Variants in RNF145 observed in about 807,000 individuals in gnomAD.
RNF145 encodes the protein ring finger protein 145.
Under a neutral mutation model 57.3 loss-of-function variants are expected in RNF145, and 12 were observed. The observed-to-expected ratio is 0.21, with a 90% CI of 0.13 to 0.34. RNF145 has a LOEUF of 0.34. RNF145 is among the 10% of genes least tolerant of loss of function. RNF145 has a pLI of 1.00. For missense variants in RNF145, 429 were observed against 799.0 expected (o/e 0.54, Z 5.58); for synonymous variants, 262 against 288.3 (o/e 0.91, Z 0.92).
chr5:159,179,144 T>G (rs181898766), intron 4 of RNF145, among the ~76,000 whole-genome samples: 175 of 152,168 alleles, frequency 1.2e-3, no homozygotes, highest in African/African-American at 4.0e-3. Context: ...TGCCAGCACA[T>G]GTGGTGCTCA....
At chr5:159,189,761 G>A (rs1254994639) in intron 3 of RNF145, among the ~76,000 whole-genome samples, 4 of 152,214 alleles carry the variant, frequency 2.6e-5, no homozygotes, top group African/African-American at 9.6e-5. Flanking sequence ...AATATGGACA[G>A]AAAAAGAAAG....
At chr5:159,164,345 CTG>C (rs1283622167) in intron 8 of RNF145, among the ~76,000 whole-genome samples, 1 of 152,136 alleles carries the variant, frequency 6.6e-6, no homozygotes, top group Non-Finnish European at 1.5e-5. Flanking sequence ...AGTAGCTGTA[CTG>C]TGTTAGATGA....
chr5:159,174,028 T>C lies in RNF145; in HGVS notation c.752A>G (p.Asp251Gly). The C allele has an allele frequency of 6.2e-7, 1 of 1,613,490 alleles. No individual in the cohort carries two copies. The highest frequency in any genetic ancestry group is 8.5e-7 in the Non-Finnish European group (1 of 1,179,628). The change falls in exon 6 of 11, where the codon GAT becomes GGT. Residue 251 changes from aspartate (D) to glycine (G), a missense_variant. Physicochemically the swap from Asp to Gly is moderately conservative, Grantham distance 94. Coordinates refer to ENST00000424310, the MANE Select transcript of RNF145 (RefSeq NM_001199383.2). ...AAGCCTCTCACGTGATGCAGGCTGA[T>C]CTCGAGTACTGAAATAGGAGTAAAT... ...LQIYSYFSTR[D>G]QPASRERLLF...
rs917337727 is a variant in RNF145, at chr5:159,185,386, G to C, written c.294-3335C>G. On this transcript the variant is annotated intron_variant, in intron 3 of 10. Coordinates refer to ENST00000424310, the MANE Select transcript of RNF145 (RefSeq NM_001199383.2). ...TGGGCATCCCATCCCAAACTGTAGA[G>C]AATAACTGAAATAAGAATCAGGGTT... 4.6e-5 allele frequency among the ~76,000 whole-genome samples: 7 copies of C among 152,118 alleles called. 1 individual carries two copies. In the South Asian group the frequency reaches 1.5e-3, roughly 32 times the overall value.
intron 9 of RNF145, among the ~76,000 whole-genome samples, chr5:159,161,984 T>C (rs953837693): frequency 2.6e-5 from 4 of 152,230 alleles, no homozygotes; most frequent in Admixed American, 6.5e-5. Flanking sequence ...CATACCATAG[T>C]CATTCCTGTT....
chr5:159,171,754 T>G (rs1335769048), intron 6 of RNF145, among the ~76,000 whole-genome samples: 1 of 152,172 alleles, frequency 6.6e-6, no homozygotes, highest in Admixed American at 6.5e-5. Flanking sequence ...AATAAGTTGT[T>G]TTTTTGGCAA....
At position 159,158,830 on chromosome 5, in the gene RNF145, G is replaced by T. The variant is rs1784124663; in HGVS notation, c.1832C>A (p.Pro611His). ...QNVMFQEGTEPPGQEHTPGTR... is the reference protein window; with the variant it reads ...QNVMFQEGTEHPGQEHTPGTR... ...CCCTGGAGTATGCTCCTGGCCTGGG[G>T]GTTCAGTACCTTCCTGAAACATGAC... The change falls in exon 11 of 11, where the codon CCC (proline) becomes CAC (histidine). Residue 611 changes from proline (P) to histidine (H), a missense_variant. Coordinates refer to ENST00000424310, the MANE Select transcript of RNF145 (RefSeq NM_001199383.2). 2 of 1,613,782 alleles carry T rather than the reference G, an allele frequency of 1.2e-6. No individual in the cohort carries two copies. The highest frequency in any genetic ancestry group is 1.7e-6 in the Non-Finnish European group (2 of 1,179,878).
At chr5:159,204,203 G>A (rs1342710597) in intron 1 of RNF145, among the ~76,000 whole-genome samples, 1 of 152,222 alleles carries the variant, frequency 6.6e-6, no homozygotes, top group African/African-American at 2.4e-5. Flanking sequence ...GATACAGGTA[G>A]AGGGAACATT....
At chr5:159,160,136 G>T (rs1245881475) in intron 10 of RNF145, among the ~76,000 whole-genome samples, 1 of 152,108 alleles carries the variant, frequency 6.6e-6, no homozygotes, top group East Asian at 1.9e-4. Context: ...CTCCGACTCT[G>T]TTTTTGATGT....
chr5:159,183,615 G>T (rs915529111), intron 3 of RNF145, among the ~76,000 whole-genome samples: 3 of 151,984 alleles, frequency 2.0e-5, no homozygotes, highest in Non-Finnish European at 4.4e-5. Context: ...TATATAAATA[G>T]TATTAATACA....
chr5:159,178,560 T>C (rs1302177648), intron 4 of RNF145, among the ~76,000 whole-genome samples: 1 of 152,040 alleles, frequency 6.6e-6, no homozygotes, highest in Non-Finnish European at 1.5e-5. Context: ...TTCTTGTCAA[T>C]GAAAACCAAA....
chr5:159,205,192 A>C (rs181893198), intron 1 of RNF145, among the ~76,000 whole-genome samples: 1 of 152,198 alleles, frequency 6.6e-6, no homozygotes, highest in Non-Finnish European at 1.5e-5. Flanking sequence ...ATAGCCTGCC[A>C]ATAATATAGA....
At chr5:159,206,296 A>G (rs1212519513) in intron 1 of RNF145, among the ~76,000 whole-genome samples, 1 of 152,224 alleles carries the variant, frequency 6.6e-6, no homozygotes, top group African/African-American at 2.4e-5. Flanking sequence ...ATGTTATTTT[A>G]GCAAGTCAGT....
intron 3 of RNF145, among the ~76,000 whole-genome samples, chr5:159,186,766 T>A (rs982499789): frequency 6.6e-6 from 1 of 152,104 alleles, no homozygotes. Context: ...TATTTGATAA[T>A]GTTCAAAAGC....
rs773356243 is a variant in RNF145 at position 159,158,689 on chromosome 5, T to C, written c.1973A>G (p.His658Arg). The stretch of plus-strand genomic sequence containing the variant: ...TCTCCTCTAGGCTGATTCAACAGGA[T>C]GTGCTTCATCTTTCGCACTGTGAGG... ...EYPHSAKDEAHPVESA is the reference protein window; with the variant it reads ...EYPHSAKDEARPVESA Residue 658 changes from histidine (H) to arginine (R), a missense_variant, in exon 11 of 11, where the codon CAT (histidine) becomes CGT (arginine). Physicochemically the swap from His to Arg is conservative, Grantham distance 29. This residue lies in a region of RNF145 where 102 missense variants were observed against 106.2 expected (regional missense o/e 0.96). Transcript: ENST00000424310. The C allele has an allele frequency of 8.1e-6, 13 of 1,613,974 alleles. No homozygotes were observed. The highest frequency in any genetic ancestry group is 1.0e-5 in the Non-Finnish European group (12 of 1,179,858).
At chr5:159,209,723 C>G (rs1348265573), upstream of RNF145, 3 of 1,108,536 alleles carry the variant, frequency 2.7e-6, no homozygotes, top group Non-Finnish European at 2.6e-6. Flanking sequence ...CCATACAGCC[C>G]GGCTCGGGTG....
At chr5:159,176,082 T>A (rs1165829449) in intron 5 of RNF145, among the ~76,000 whole-genome samples, 2 of 152,150 alleles carry the variant, frequency 1.3e-5, no homozygotes. Context: ...TATATCTAAA[T>A]GAAATCTATC....
At chr5:159,186,636 A>C (rs1785066141) in intron 3 of RNF145, among the ~76,000 whole-genome samples, 2 of 152,148 alleles carry the variant, frequency 1.3e-5, no homozygotes, top group African/African-American at 4.8e-5. Flanking sequence ...GCACACAAAC[A>C]TACCTACCAT....
intron 7 of RNF145, 90 bp from the exon 8 acceptor site, chr5:159,169,145 G>T: frequency 9.6e-7 from 1 of 1,040,374 alleles, no homozygotes; most frequent in Non-Finnish European, 1.4e-6. Context: ...TTAGACTCTT[G>T]TTACATATTT....
Sources: allele counts gnomAD v4.1 joint callset (sites outside exome capture counted in the v4.1 genomes callset), GRCh38; gene constraint gnomAD v4.1.1; regional missense constraint gnomAD v4.1.1; transcripts MANE v1.5; gene names NCBI Gene and HGNC (gene_info 2026-07-23, HGNC 2026-07-21).